The following ADAMTSL3 variants were observed in gnomAD, a reference collection of about 807,000 sequenced individuals.
The protein encoded by ADAMTSL3 is ADAMTS-like protein 3.
In ADAMTSL3, 128 loss-of-function variants were observed where a neutral mutation model predicts 201.7. The observed-to-expected ratio is 0.63, with a 90% CI of 0.55 to 0.73. ADAMTSL3 has a LOEUF of 0.73. Ranked by LOEUF, ADAMTSL3 falls within the 30% of genes least tolerant of loss-of-function variation. The probability of loss-of-function intolerance (pLI) is 0.00; values close to 1 mark genes in which losing one functional copy is unlikely to be tolerated. For synonymous variants in ADAMTSL3, 738 were observed against 748.4 expected, an observed-to-expected ratio of 0.99 and a Z score of 0.23; for missense variants, 1,990 against 2,119.6, an observed-to-expected ratio of 0.94 and a Z score of 1.20.
intron 23 of ADAMTSL3, among the ~76,000 whole-genome samples, chr15:83,997,150 G>C (rs2067702333): frequency 6.6e-6 from 1 of 152,202 alleles, no homozygotes; most frequent in African/African-American, 2.4e-5. Flanking sequence ...AGAGTTTCAA[G>C]AGTGCATTGT....
At position 83,945,504 on chromosome 15, in the gene ADAMTSL3, G is replaced by T. The variant is rs557885196; in HGVS notation, c.2490+2422G>T. ...TTCCTTTGAGACTAGGTCAGGCAGT[G>T]GGGGCTGGGCAAAGGTGTTAGAGAG... On this transcript the variant is annotated intron_variant, in intron 19 of 29. Coordinates refer to ENST00000286744, the MANE Select transcript of ADAMTSL3 (RefSeq NM_207517.3). Among the ~76,000 whole-genome samples, 5 of 152,300 alleles carry T rather than the reference G, an allele frequency of 3.3e-5. No homozygotes were observed. In the South Asian group the frequency reaches 6.2e-4, roughly 19 times the overall value.
At chr15:83,700,231 A>G (rs965813196) in intron 2 of ADAMTSL3, among the ~76,000 whole-genome samples, 18 of 152,184 alleles carry the variant, frequency 1.2e-4, no homozygotes, top group African/African-American at 4.3e-4. Flanking sequence ...CTGTCCAGGT[A>G]TTGGCACATG....
chr15:83,979,837 T>C (rs1169048512), intron 20 of ADAMTSL3, among the ~76,000 whole-genome samples: 1 of 152,262 alleles, frequency 6.6e-6, no homozygotes, highest in Non-Finnish European at 1.5e-5. Context: ...CCTGTCAAAT[T>C]GTCTTTCAGT....
At chr15:83,793,442 C>T (rs1044477299) in intron 4 of ADAMTSL3, among the ~76,000 whole-genome samples, 3 of 149,396 alleles carry the variant, frequency 2.0e-5, no homozygotes, top group Non-Finnish European at 4.5e-5. Flanking sequence ...TAAATACATA[C>T]AATTTTATCT....
intron 2 of ADAMTSL3, among the ~76,000 whole-genome samples, chr15:83,689,350 A>G (rs2061582568): frequency 6.6e-6 from 1 of 151,794 alleles, no homozygotes; most frequent in Non-Finnish European, 1.5e-5. Flanking sequence ...ACTCTCTCCT[A>G]CTCTCTGCTC....
chr15:83,857,117 A>G (rs2064752497), intron 7 of ADAMTSL3, among the ~76,000 whole-genome samples: 1 of 152,094 alleles, frequency 6.6e-6, no homozygotes, highest in African/African-American at 2.4e-5. Context: ...CCATTTGTAT[A>G]GCTGTTTTGG....
chr15:83,929,699 CAG>C (rs1555461707), intron 17 of ADAMTSL3, among the ~76,000 whole-genome samples: 2 of 150,220 alleles, frequency 1.3e-5, no homozygotes, highest in Admixed American at 6.6e-5. Flanking sequence ...CACACACACA[CAG>C]AGAGAGACAG....
At chr15:84,022,765 T>G (rs1294325929) in intron 26 of ADAMTSL3, among the ~76,000 whole-genome samples, 1 of 152,220 alleles carries the variant, frequency 6.6e-6, no homozygotes, top group African/African-American at 2.4e-5. Flanking sequence ...TTGGGCTATC[T>G]CTTTTATCGC....
chr15:83,676,837 G>C (rs1393465869), intron 2 of ADAMTSL3, among the ~76,000 whole-genome samples: 1 of 152,216 alleles, frequency 6.6e-6, no homozygotes, highest in African/African-American at 2.4e-5. Flanking sequence ...TGAAAACACA[G>C]TGAGAAGACA....
At chr15:83,968,457 A>G (rs2067130251) in intron 19 of ADAMTSL3, among the ~76,000 whole-genome samples, 1 of 152,252 alleles carries the variant, frequency 6.6e-6, no homozygotes, top group African/African-American at 2.4e-5. Context: ...CAAAACCACA[A>G]TGAGATACCA....
chr15:83,823,984 CCTCCTCCTT>C (rs1567170085), intron 6 of ADAMTSL3, among the ~76,000 whole-genome samples: 1 of 145,516 alleles, frequency 6.9e-6, no homozygotes, highest in Non-Finnish European at 1.5e-5. Flanking sequence ...TCCTCCTCCT[CCTCCTCCTT>C]CTCCTTCTTC....
intron 3 of ADAMTSL3, among the ~76,000 whole-genome samples, chr15:83,763,161 G>T (rs7495206): frequency 0.089 from 13,540 of 152,238 alleles, 778 homozygotes; most frequent in East Asian, 0.28. Context: ...GAAGTGTTGG[G>T]ATTACAGGCA....
At chr15:83,820,840 C>G (rs757213923) in intron 6 of ADAMTSL3, among the ~76,000 whole-genome samples, 1 of 152,022 alleles carries the variant, frequency 6.6e-6, no homozygotes, top group African/African-American at 2.4e-5. Context: ...TTTGGGAGGC[C>G]GAGGTGGGTG....
intron 2 of ADAMTSL3, among the ~76,000 whole-genome samples, chr15:83,686,472 G>T (rs146673293): frequency 1.0e-3 from 156 of 152,318 alleles, no homozygotes; most frequent in African/African-American, 3.5e-3. Context: ...GAACATTTGT[G>T]CTGTTTTATG....
chr15:83,734,463 C>T (rs1249113650), intron 3 of ADAMTSL3, among the ~76,000 whole-genome samples: 1 of 152,152 alleles, frequency 6.6e-6, no homozygotes, highest in East Asian at 1.9e-4. Flanking sequence ...CAGGACACAG[C>T]TAGGAAAGCC....
chr15:84,016,944 T>C (rs1266122441), intron 25 of ADAMTSL3, among the ~76,000 whole-genome samples: 1 of 152,132 alleles, frequency 6.6e-6, no homozygotes, highest in Non-Finnish European at 1.5e-5. Flanking sequence ...TATTACAAGC[T>C]TATAAAACTC....
At chr15:84,026,374 C>G (rs1246431623) in intron 27 of ADAMTSL3, among the ~76,000 whole-genome samples, 1 of 152,170 alleles carries the variant, frequency 6.6e-6, no homozygotes. Context: ...ACACAATACT[C>G]TTGAAATTTA....
intron 16 of ADAMTSL3, among the ~76,000 whole-genome samples, chr15:83,914,215 T>C (rs1246685144): frequency 6.6e-6 from 1 of 152,092 alleles, no homozygotes; most frequent in Non-Finnish European, 1.5e-5. Context: ...ATCCAGCCAA[T>C]GGTGGGAAAA....
intron 8 of ADAMTSL3, among the ~76,000 whole-genome samples, chr15:83,870,221 A>C (rs558629413): frequency 9.8e-4 from 149 of 152,300 alleles, no homozygotes; most frequent in Middle Eastern, 3.4e-3. Flanking sequence ...ATAAAATGGC[A>C]TTGAACTATA....
Sources: allele counts gnomAD v4.1 joint callset (sites outside exome capture counted in the v4.1 genomes callset), GRCh38; gene constraint gnomAD v4.1.1; transcripts MANE v1.5; gene names NCBI Gene and HGNC (gene_info 2026-07-23, HGNC 2026-07-21).